The following PTGIS variants were observed in gnomAD, a reference collection of about 807,000 sequenced individuals.
PTGIS encodes the protein prostacyclin synthase.
In PTGIS, 45 loss-of-function variants were observed where a neutral mutation model predicts 50.3. That is an observed-to-expected ratio of 0.90 (90% CI 0.70 to 1.15). The LOEUF (loss-of-function observed/expected upper bound fraction) is 1.15, where lower values mean the gene tolerates loss of function less well. PTGIS is among the 50% of genes most tolerant of loss of function. PTGIS has a pLI of 0.00. For synonymous variants in PTGIS, 260 were observed against 267.7 expected, an observed-to-expected ratio of 0.97 and a Z score of 0.28; for missense variants, 668 against 661.3, an observed-to-expected ratio of 1.01 and a Z score of -0.11.
intron 1 of PTGIS, among the ~76,000 whole-genome samples, chr20:49,562,607 G>A (rs554859885): frequency 2.6e-5 from 4 of 152,202 alleles, no homozygotes; most frequent in Non-Finnish European, 2.9e-5. Context: ...AGGCCCTGGC[G>A]GGCAGGGCGG....
At position 49,539,695 on chromosome 20, in the gene PTGIS, A is replaced by G; in HGVS notation, c.548T>C (p.Ile183Thr). ...TTCATGGGTGCGTGGCAGCGCCTCA[A>G]TTCCGTAAAGAGTCAGGTAGCCGGC... ...LRAGYLTLYGIEALPRTHESQ... is the reference protein window; with the variant it reads ...LRAGYLTLYGTEALPRTHESQ... The change falls in exon 5 of 10, where the codon ATT becomes ACT. Residue 183 changes from isoleucine (I) to threonine (T), a missense_variant. Coordinates refer to ENST00000244043, the MANE Select transcript of PTGIS (RefSeq NM_000961.4). The G allele has an allele frequency of 1.2e-6, 2 of 1,613,390 alleles. No individual in the cohort carries two copies. Among genetic ancestry groups the G allele is most frequent in the Non-Finnish European group, 8.5e-7 (1 of 1,179,944 alleles).
chr20:49,566,592 A>C (rs1982905597), intron 1 of PTGIS, among the ~76,000 whole-genome samples: 1 of 152,216 alleles, frequency 6.6e-6, no homozygotes, highest in Non-Finnish European at 1.5e-5. Context: ...TTGTTTGAAA[A>C]TTCAACTACC....
intron 9 of PTGIS, 21 bp from the exon 10 acceptor site, chr20:49,508,085 A>C (rs1981204563): frequency 6.2e-7 from 1 of 1,613,110 alleles, no homozygotes; most frequent in African/African-American, 1.3e-5. Flanking sequence ...ATGGCATGGA[A>C]GGTGTGAAGG....
At chr20:49,554,036 G>T (rs1982570686) in intron 1 of PTGIS, among the ~76,000 whole-genome samples, 1 of 152,218 alleles carries the variant, frequency 6.6e-6, no homozygotes, top group South Asian at 2.1e-4. Context: ...ATACACTAAA[G>T]AATTGGTTAG....
Position 49,558,104 on chromosome 20 carries a change from T to C in PTGIS, c.75-7915A>G, listed in dbSNP as rs574888287. 4.7e-4 allele frequency among the ~76,000 whole-genome samples: 71 copies of C among 152,134 alleles called. 1 individual carries two copies. The highest frequency in any genetic ancestry group is 6.5e-5 in the Admixed American group (1 of 15,298). On this transcript the variant is annotated intron_variant, in intron 1 of 9. Transcript: ENST00000244043. ...AAACAAAAATTTTAAAAAAGGAAAA[T>C]AAGGCTGGGCATGGTGTCTCATGCC... is the stretch of plus-strand genomic sequence containing the variant.
At chr20:49,514,572 G>A (rs1200245659) in intron 6 of PTGIS, among the ~76,000 whole-genome samples, 177 bp from the exon 7 acceptor site, 1 of 152,204 alleles carries the variant, frequency 6.6e-6, no homozygotes, top group Non-Finnish European at 1.5e-5. Flanking sequence ...AAACTGCCCT[G>A]TGGCCCAAAA....
intron 9 of PTGIS, among the ~76,000 whole-genome samples, chr20:49,509,881 C>CTTTTTTTTTTTTTTTTTTTTTT (rs11337451): frequency 1.1e-5 from 1 of 93,378 alleles, no homozygotes; most frequent in Non-Finnish European, 2.0e-5. Context: ...TTCTTTCTTT[C>CTTTTTTTTTTTTTTTTTTTTTT]TTTTTTTTTT....
At chr20:49,526,907 A>G (rs1425071076) in intron 5 of PTGIS, among the ~76,000 whole-genome samples, 1 of 152,220 alleles carries the variant, frequency 6.6e-6, no homozygotes, top group African/African-American at 2.4e-5. Flanking sequence ...GCTGTGAAAA[A>G]GAGTTTAGCA....
At chr20:49,541,733 TTAAAATAAAA>T (rs1000201073) in intron 4 of PTGIS, among the ~76,000 whole-genome samples, 1 of 151,802 alleles carries the variant, frequency 6.6e-6, no homozygotes. Flanking sequence ...AACTTTGTCT[TTAAAATAAAA>T]TAAAATAAAA....
chr20:49,561,029 AAGCAATGGCCATGGTCCCCGGGGAGCCAG>A (rs1380472298), intron 1 of PTGIS, among the ~76,000 whole-genome samples: 1 of 152,136 alleles, frequency 6.6e-6, no homozygotes, highest in Non-Finnish European at 1.5e-5. Flanking sequence ...AATGTGGTGG[AAGCAATGGCCATGGTCCCCGGGGAGCCAG>A]ACCTAACATC....
At position 49,550,204 on chromosome 20, in the gene PTGIS, G is replaced by A. The variant is rs373613909; in HGVS notation, c.75-15C>T. ...CACCAGGTCGCCTACAGAAGCCATG[G>A]CACTTGTCACCATTTGATAAGGCAA... On this transcript the variant is annotated splice_polypyrimidine_tract_variant and intron_variant, in intron 1 of 9. Coordinates refer to ENST00000244043, the MANE Select transcript of PTGIS (RefSeq NM_000961.4). 36 of 1,610,844 alleles carry A rather than the reference G, an allele frequency of 2.2e-5. No individual in the cohort carries two copies. The highest frequency in any genetic ancestry group is 2.9e-5 in the Non-Finnish European group (34 of 1,179,968).
intron 5 of PTGIS, among the ~76,000 whole-genome samples, chr20:49,524,521 C>T (rs1184354009): frequency 1.3e-5 from 2 of 152,226 alleles, no homozygotes; most frequent in African/African-American, 4.8e-5. Flanking sequence ...GTCCCCATCA[C>T]CCGGCCCGTA....
intron 5 of PTGIS, among the ~76,000 whole-genome samples, chr20:49,533,227 C>T (rs1243251036): frequency 5.9e-5 from 9 of 152,304 alleles, no homozygotes; most frequent in African/African-American, 2.2e-4. Flanking sequence ...CCAGAAGACA[C>T]ATGTCTTTAA....
At chr20:49,539,485 C>T (rs1429739980) in intron 5 of PTGIS, 85 bp downstream of exon 5, 1 of 1,462,184 alleles carries the variant, frequency 6.8e-7, no homozygotes, top group African/African-American at 1.4e-5. Context: ...GCCTGTGTTG[C>T]CTCTGGTCCT....
chr20:49,548,335 C>T (rs765238451), intron 2 of PTGIS, among the ~76,000 whole-genome samples: 6 of 152,216 alleles, frequency 3.9e-5, no homozygotes, highest in Non-Finnish European at 5.9e-5. Flanking sequence ...TCTACCACCT[C>T]ACTCTTAAGC....
chr20:49,551,806 TTGTGTGTGTGTGTGTG>T (rs58517059), intron 1 of PTGIS, among the ~76,000 whole-genome samples: 6,011 of 142,666 alleles, frequency 0.042, 343 homozygotes, highest in African/African-American at 0.13. Flanking sequence ...GTGTATGTGT[TTGTGTGTGTGTGTGTG>T]TGTGTGTGTG....
intron 1 of PTGIS, among the ~76,000 whole-genome samples, chr20:49,551,723 T>G (rs1982509745): frequency 6.6e-6 from 1 of 152,088 alleles, no homozygotes; most frequent in African/African-American, 2.4e-5. Context: ...GTTTAACTCT[T>G]TTTGTCAGCA....
chr20:49,523,250 C>T (rs1205625037), intron 6 of PTGIS, among the ~76,000 whole-genome samples: 1 of 152,118 alleles, frequency 6.6e-6, no homozygotes, highest in Admixed American at 6.6e-5. Flanking sequence ...TTCTTGCTTA[C>T]ACTCAAGCAA....
In PTGIS at chr20:49,566,638, C is replaced by T. The variant is rs552090426; in HGVS notation, c.74+1405G>A. Among the ~76,000 whole-genome samples, 5 of 152,290 alleles carry T rather than the reference C, an allele frequency of 3.3e-5. No individual in the cohort carries two copies. In the South Asian group the frequency reaches 8.3e-4, roughly 25 times the overall value. On this transcript the variant is annotated intron_variant, in intron 1 of 9. Transcript: ENST00000244043. ...AAAATCAAAAAGTTCCCAAGGTTTCCGGAATTTTCAGACACGAATGTAAAC... is the reference window on the plus strand; with the variant it reads ...AAAATCAAAAAGTTCCCAAGGTTTCTGGAATTTTCAGACACGAATGTAAAC...
Sources: allele counts gnomAD v4.1 joint callset (sites outside exome capture counted in the v4.1 genomes callset), GRCh38; gene constraint gnomAD v4.1.1; transcripts MANE v1.5; gene names NCBI Gene and HGNC (gene_info 2026-07-23, HGNC 2026-07-21).